Variants in MAN2B2 observed in about 807,000 individuals in gnomAD.
MAN2B2 encodes epididymis-specific alpha-mannosidase.
Under a neutral mutation model 117.1 loss-of-function variants are expected in MAN2B2, and 106 were observed. The ratio of observed to expected loss-of-function variants is 0.90; its 90% confidence interval spans 0.77 to 1.06. The LOEUF (loss-of-function observed/expected upper bound fraction) is 1.06. Ranked by LOEUF, MAN2B2 falls within the 50% of genes least tolerant of loss-of-function variation. MAN2B2 has a pLI of 0.00. For synonymous variants in MAN2B2, 544 were observed against 595.1 expected, an observed-to-expected ratio of 0.91 and a Z score of 1.25; for missense variants, 1,326 against 1,381.4, an observed-to-expected ratio of 0.96 and a Z score of 0.64.
intron 9 of MAN2B2, among the ~76,000 whole-genome samples, chr4:6,599,133 G>T (rs1727222507): frequency 6.6e-6 from 1 of 152,204 alleles, no homozygotes; most frequent in South Asian, 2.1e-4. Context: ...GTCTCGCTGT[G>T]TCACCTAGGC....
intron 11 of MAN2B2, among the ~76,000 whole-genome samples, chr4:6,608,074 T>C (rs1368511577): frequency 6.6e-6 from 1 of 152,260 alleles, no homozygotes; most frequent in African/African-American, 2.4e-5. Context: ...ATTTTTAAAT[T>C]GGCTTGTCTT....
chr4:6,578,767 G>A (rs1374613091), intron 3 of MAN2B2, among the ~76,000 whole-genome samples: 2 of 152,094 alleles, frequency 1.3e-5, no homozygotes, highest in African/African-American at 4.8e-5. Flanking sequence ...GGAAAGGAAT[G>A]TAACTTCAGT....
intron 4 of MAN2B2, among the ~76,000 whole-genome samples, chr4:6,587,848 G>A (rs992524911): frequency 1.2e-4 from 17 of 145,642 alleles, no homozygotes; most frequent in Admixed American, 5.6e-4. Flanking sequence ...TCTGCCTCCC[G>A]GGTTCAAGCG....
chr4:6,620,400 G>A (rs370321288), intron 18 of MAN2B2: 42 of 239,522 alleles, frequency 1.8e-4, no homozygotes, highest in Middle Eastern at 1.6e-3. Flanking sequence ...CATACGACAT[G>A]TGCCACCGTG....
intron 9 of MAN2B2, among the ~76,000 whole-genome samples, chr4:6,600,109 A>G (rs1266383755): frequency 6.6e-6 from 1 of 152,218 alleles, no homozygotes; most frequent in African/African-American, 2.4e-5. Flanking sequence ...GACCTCACAC[A>G]CATGGGCTGG....
rs55997600 is a variant in MAN2B2 at position 6,575,201 on chromosome 4, T to C, written c.-10T>C. 7.0e-7 allele frequency: 1 copy of C among 1,427,620 alleles called. No individual in the cohort carries two copies. The highest frequency in any genetic ancestry group is 2.0e-5 in the Admixed American group (1 of 50,130). 88.4% of individuals were successfully genotyped at this position (1,427,620 alleles called of 1,614,324 possible). A position where few individuals can be genotyped will look rare whatever the true frequency, so the allele number is the denominator to read the frequency against. On this transcript the variant is annotated 5_prime_UTR_variant, in exon 1 of 19. Coordinates refer to ENST00000285599, the MANE Select transcript of MAN2B2 (RefSeq NM_015274.3). ...AAGTGGGCCTGGCACCTTCCCGGCC[T>C]GCCGCAGGGATGGGGCAGCTGTGCT...
In MAN2B2 at chr4:6,575,195, C is replaced by G. The variant is rs895050885; in HGVS notation, c.-16C>G. 1.4e-6 allele frequency: 2 copies of G among 1,413,968 alleles called. No individual in the cohort carries two copies. The highest frequency in any genetic ancestry group is 1.5e-5 in the African/African-American group (1 of 68,492). 87.6% of individuals were successfully genotyped at this position (1,413,968 alleles called of 1,614,324 possible). A position where few individuals can be genotyped will look rare whatever the true frequency, so the allele number is the denominator to read the frequency against. On this transcript the variant is annotated 5_prime_UTR_variant, in exon 1 of 19. Transcript: ENST00000285599. ...ACCCGGAAGTGGGCCTGGCACCTTCCCGGCCTGCCGCAGGGATGGGGCAGC... is the reference window on the plus strand; with the variant it reads ...ACCCGGAAGTGGGCCTGGCACCTTCGCGGCCTGCCGCAGGGATGGGGCAGC...
chr4:6,580,199 G>A (rs1260739575), intron 3 of MAN2B2, among the ~76,000 whole-genome samples: 2 of 152,170 alleles, frequency 1.3e-5, no homozygotes, highest in African/African-American at 4.8e-5. Context: ...GCCCTTCCAT[G>A]AGAAGGAGGC....
Position 6,614,259 on chromosome 4 carries a change from G to T in MAN2B2, c.2605G>T (p.Val869Leu), listed in dbSNP as rs540480695. The change falls in exon 16 of 19, where the codon GTG (valine) becomes TTG (leucine). Residue 869 changes from valine to leucine, a missense_variant. Transcript: ENST00000285599. ...CCCAGGACCCCAGCAGCAAGAGGCCGTGACGCTGCCCCCGAATCTTCACCT... is the reference window on the plus strand; with the variant it reads ...CCCAGGACCCCAGCAGCAAGAGGCCTTGACGCTGCCCCCGAATCTTCACCT... ...KLPGPQQQEA[V>L]TLPPNLHLQI... 1.2e-6 allele frequency: 2 copies of T among 1,614,084 alleles called. No homozygotes were observed. The highest frequency in any genetic ancestry group is 3.3e-5 in the Admixed American group (2 of 60,006).
At chr4:6,586,379 C>T (rs1315634624) in intron 3 of MAN2B2, among the ~76,000 whole-genome samples, 1 of 152,200 alleles carries the variant, frequency 6.6e-6, no homozygotes, top group Non-Finnish European at 1.5e-5. Context: ...TTTTGAACCA[C>T]CGCACACTTA....
At chr4:6,590,730 C>T (rs534709883) in intron 5 of MAN2B2, among the ~76,000 whole-genome samples, 3 of 152,356 alleles carry the variant, frequency 2.0e-5, no homozygotes, top group Admixed American at 6.5e-5. Context: ...GGCCCCCGGA[C>T]ATGGGTGTTT....
chr4:6,585,686 T>C (rs1470354552), intron 3 of MAN2B2, among the ~76,000 whole-genome samples: 1 of 151,932 alleles, frequency 6.6e-6, no homozygotes, highest in Non-Finnish European at 1.5e-5. Context: ...AGCCAGGGGG[T>C]TCTGGCTCAG....
rs760921394 is a variant in MAN2B2, at chr4:6,605,156, G to A, written c.1641G>A (p.Gly547=). 5.6e-6 allele frequency: 9 copies of A among 1,614,158 alleles called. No homozygotes were observed. The highest frequency in any genetic ancestry group is 1.1e-5 in the South Asian group (1 of 91,080). The change falls in exon 11 of 19, where the codon GGG becomes GGA. Residue 547 remains glycine (G), a synonymous_variant. Coordinates refer to ENST00000285599, the MANE Select transcript of MAN2B2 (RefSeq NM_015274.3). ...ACTACAACATCAGACCCACTGCAGGGGCCCAAGAGGGCACCCAGGAGCCGG... is the reference window on the plus strand; with the variant it reads ...ACTACAACATCAGACCCACTGCAGGAGCCCAAGAGGGCACCCAGGAGCCGG... ...YRHYNIRPTA[G]AQEGTQEPAA... is the part of the protein sequence containing the mutation.
intron 5 of MAN2B2, among the ~76,000 whole-genome samples, chr4:6,591,521 C>G (rs1392858279): frequency 6.6e-6 from 1 of 152,186 alleles, no homozygotes; most frequent in Non-Finnish European, 1.5e-5. Flanking sequence ...ATAATTTCAC[C>G]AGCTGGCAGG....
intron 7 of MAN2B2, 111 bp downstream of exon 7, chr4:6,594,843 G>A (rs1303410760): frequency 8.5e-7 from 1 of 1,179,810 alleles, no homozygotes; most frequent in Non-Finnish European, 1.2e-6. Context: ...GCCCTGGAGG[G>A]GTTCCAGGCA....
Position 6,610,020 on chromosome 4 carries a change from C to T in MAN2B2, c.2229C>T (p.Tyr743=), listed in dbSNP as rs765784856. 4.3e-6 allele frequency: 7 copies of T among 1,614,048 alleles called. No individual in the cohort carries two copies. Among genetic ancestry groups the T allele is most frequent in the Admixed American group, 1.7e-5 (1 of 60,002 alleles). ...NNGYQMQRRP[Y]VSYVNNSIAR... ...GCTACCAGATGCAGCGGAGGCCCTA[C>T]GTTTCCTATGTGAACAACAGCATCG... The change falls in exon 13 of 19, where the codon TAC becomes TAT. Residue 743 remains tyrosine (Y), a synonymous_variant. Coordinates refer to ENST00000285599, the MANE Select transcript of MAN2B2 (RefSeq NM_015274.3).
chr4:6,576,201 C>G (rs1252223869), intron 1 of MAN2B2, among the ~76,000 whole-genome samples: 1 of 152,188 alleles, frequency 6.6e-6, no homozygotes, highest in African/African-American at 2.4e-5. Flanking sequence ...CTGGACCACA[C>G]CCCGACTGAG....
At chr4:6,618,668 G>T in intron 17 of MAN2B2, 1 of 152,456 alleles carries the variant, frequency 6.6e-6, no homozygotes. Flanking sequence ...CTCCCCAGAA[G>T]GCATGACCTG....
chr4:6,598,176 T>C, intron 8 of MAN2B2, 22 bp from the exon 9 acceptor site: 10 of 1,607,748 alleles, frequency 6.2e-6, no homozygotes, highest in Non-Finnish European at 7.7e-6. Context: ...CTGTTCTTCC[T>C]CCCCTCTGGG....
Sources: allele counts gnomAD v4.1 joint callset (sites outside exome capture counted in the v4.1 genomes callset), GRCh38; gene constraint gnomAD v4.1.1; transcripts MANE v1.5; gene names NCBI Gene and HGNC (gene_info 2026-07-23, HGNC 2026-07-21).